The following CUX2 variants were observed in gnomAD, a reference collection of about 807,000 sequenced individuals.
CUX2 encodes cut like homeobox 2.
Under a neutral mutation model 144.8 loss-of-function variants are expected in CUX2, and 40 were observed. That is an observed-to-expected ratio of 0.28 (90% CI 0.21 to 0.36). CUX2 has a LOEUF of 0.36. CUX2 is among the 10% of genes least tolerant of loss of function. The pLI, the probability that CUX2 is intolerant of heterozygous loss-of-function variation, is 1.00. For synonymous variants in CUX2, 827 were observed against 875.6 expected (o/e 0.94, Z 0.98); for missense variants, 1,615 against 1,994.0 (o/e 0.81, Z 3.62).
intron 21 of CUX2, among the ~76,000 whole-genome samples, chr12:111,344,009 CA>C (rs1888690612): frequency 6.6e-6 from 1 of 152,168 alleles, no homozygotes; most frequent in African/African-American, 2.4e-5. Context: ...GCCGAGATCA[CA>C]CCACTGCACT....
At chr12:111,162,691 C>A (rs545638993) in intron 1 of CUX2, among the ~76,000 whole-genome samples, 4 of 152,200 alleles carry the variant, frequency 2.6e-5, no homozygotes, top group African/African-American at 7.2e-5. Context: ...AATTTAGACA[C>A]CTACCTACTG....
chr12:111,214,487 G>A (rs961512819), intron 2 of CUX2, among the ~76,000 whole-genome samples, 177 bp downstream of exon 2: 4 of 152,156 alleles, frequency 2.6e-5, no homozygotes, highest in Admixed American at 1.3e-4. Context: ...GGTGCTCAGC[G>A]GTGCCTACTG....
At chr12:111,104,611 A>G (rs2136073789) in intron 1 of CUX2, among the ~76,000 whole-genome samples, 1 of 152,328 alleles carries the variant, frequency 6.6e-6, no homozygotes, top group African/African-American at 2.4e-5. Context: ...CCTCATCTAT[A>G]AAATGAGATA....
chr12:111,218,067 A>C, intron 3 of CUX2, 130 bp downstream of exon 3: 1 of 860,926 alleles, frequency 1.2e-6, no homozygotes, highest in Non-Finnish European at 1.9e-6. Context: ...CCCCATTGCA[A>C]ACTCTGTGCC....
At position 111,338,451 on chromosome 12, in the gene CUX2, A is replaced by T; in HGVS notation, c.3362A>T (p.Asp1121Val). 6.2e-7 allele frequency: 1 copy of T among 1,613,250 alleles called. No individual in the cohort carries two copies. The highest frequency in any genetic ancestry group is 8.5e-7 in the Non-Finnish European group (1 of 1,179,440). Residue 1121 changes from aspartate (D) to valine (V), a missense_variant, in exon 20 of 22, where the codon GAT (aspartate) becomes GTT (valine). Asp to Val is a radical substitution (Grantham distance 152, BLOSUM62 -3). Coordinates refer to ENST00000261726, the MANE Select transcript of CUX2 (RefSeq NM_015267.4). ...CCCCATAACGTGGAGAAGCTGAGGG[A>T]TATGAAGAAGCTGGAGAAGAAAGGT... ...NDPHNVEKLR[D>V]MKKLEKKAYL...
At chr12:111,086,850 C>T (rs1449184199) in intron 1 of CUX2, among the ~76,000 whole-genome samples, 3 of 151,814 alleles carry the variant, frequency 2.0e-5, no homozygotes, top group East Asian at 1.9e-4. Context: ...GAGGATCACT[C>T]GAGCCTAGGA....
At position 111,078,146 on chromosome 12, in the gene CUX2, T is replaced by C. The variant is rs546043152; in HGVS notation, c.63+43906T>C. Among the ~76,000 whole-genome samples, 5 of 152,296 alleles carry C rather than the reference T, an allele frequency of 3.3e-5. No individual in the cohort carries two copies. In the East Asian group the frequency reaches 5.8e-4, roughly 18 times the overall value. ...GGGTGTTGCTTCTGGTCATTGTGTT[T>C]ATTCATTCAACAACCAGTTGAGCCC... On this transcript the variant is annotated intron_variant, in intron 1 of 21. Transcript: ENST00000261726.
intron 1 of CUX2, chr12:111,100,019 T>C (rs1316050755): frequency 2.2e-6 from 1 of 457,170 alleles, no homozygotes; most frequent in South Asian, 1.5e-5. Flanking sequence ...CGCTTTTTAT[T>C]TGCCGGTGGT....
At chr12:111,093,311 T>C (rs946963993) in intron 1 of CUX2, among the ~76,000 whole-genome samples, 1 of 152,156 alleles carries the variant, frequency 6.6e-6, no homozygotes, top group African/African-American at 2.4e-5. Context: ...AACTGTGCTG[T>C]TACATAAACT....
chr12:111,225,558 C>G (rs796526821), intron 3 of CUX2, among the ~76,000 whole-genome samples: 1 of 152,212 alleles, frequency 6.6e-6, no homozygotes, highest in Non-Finnish European at 1.5e-5. Context: ...GCTCACACAG[C>G]GGTTCATCAG....
At chr12:111,209,318 T>C (rs1881083057) in intron 1 of CUX2, among the ~76,000 whole-genome samples, 1 of 152,098 alleles carries the variant, frequency 6.6e-6, no homozygotes, top group African/African-American at 2.4e-5. Context: ...CACCTGAGCC[T>C]GGGAAGTGAA....
chr12:111,254,688 C>A (rs1883723702), intron 3 of CUX2, among the ~76,000 whole-genome samples: 1 of 152,150 alleles, frequency 6.6e-6, no homozygotes, highest in Non-Finnish European at 1.5e-5. Context: ...ATGACTTACA[C>A]CTGAGGGTTC....
chr12:111,134,650 T>TGTGTGTGTG (rs1875743649), intron 1 of CUX2, among the ~76,000 whole-genome samples: 1 of 131,590 alleles, frequency 7.6e-6, no homozygotes, highest in African/African-American at 4.1e-5. Context: ...GTGTGTGTGT[T>TGTGTGTGTG]TCTGCTGCTG....
At chr12:111,303,673 C>A (rs1470416842) in intron 9 of CUX2, among the ~76,000 whole-genome samples, 1 of 151,988 alleles carries the variant, frequency 6.6e-6, no homozygotes, top group Non-Finnish European at 1.5e-5. Context: ...AACTGAGACC[C>A]AGGGAGAGGA....
chr12:111,223,113 A>G lies in CUX2; in HGVS notation c.222+5176A>G, dbSNP rs141046083. On this transcript the variant is annotated intron_variant, in intron 3 of 21. Transcript: ENST00000261726. ...TATTGGCAGCGTGCAGGTCCGCTCA[A>G]CAGATCCTTGTGGAGAACCTTCTAT... Among the ~76,000 whole-genome samples the G allele has an allele frequency of 2.0e-5, 3 of 152,246 alleles. No homozygotes were observed. In the East Asian group the frequency reaches 5.8e-4, roughly 29 times the overall value.
chr12:111,249,400 C>CT (rs778334868), intron 3 of CUX2, among the ~76,000 whole-genome samples: 1,906 of 80,050 alleles, frequency 0.024, 41 homozygotes, highest in East Asian at 0.098. Flanking sequence ...GTGCTATTGC[C>CT]TTTTTTTTTT....
intron 1 of CUX2, among the ~76,000 whole-genome samples, chr12:111,119,815 T>TG (rs1190284990): frequency 6.6e-6 from 1 of 152,194 alleles, no homozygotes; most frequent in East Asian, 1.9e-4. Flanking sequence ...CCCAACACTT[T>TG]GGGGGGCCAA....
chr12:111,072,502 C>A (rs562371218), intron 1 of CUX2, among the ~76,000 whole-genome samples: 1 of 152,272 alleles, frequency 6.6e-6, no homozygotes, highest in South Asian at 2.1e-4. Context: ...GTGCTGATTG[C>A]AATATCTACC....
At chr12:111,302,200 A>G (rs1225154146) in intron 9 of CUX2, among the ~76,000 whole-genome samples, 1 of 152,242 alleles carries the variant, frequency 6.6e-6, no homozygotes, top group African/African-American at 2.4e-5. Flanking sequence ...GTCATTATGT[A>G]GTTAAACATA....
Sources: gnomAD v4.1 joint callset for allele counts (sites outside exome capture counted in the v4.1 genomes callset) on GRCh38, gnomAD v4.1.1 for gene constraint, MANE v1.5 for transcripts, NCBI Gene and HGNC (gene_info 2026-07-23, HGNC 2026-07-21) for gene names.